Variants in PTK2 observed in about 807,000 individuals in gnomAD.
The protein encoded by PTK2 is protein tyrosine kinase 2.
A neutral mutation model predicts 150.1 loss-of-function variants in PTK2; 45 were observed. The ratio of observed to expected loss-of-function variants is 0.30; its 90% CI spans 0.24 to 0.38. The LOEUF is 0.38. PTK2 is among the 10% of genes least tolerant of loss of function. PTK2 has a pLI of 1.00. For missense variants in PTK2, 919 were observed against 1,307.3 expected (o/e 0.70, Z 4.58); for synonymous variants, 432 against 449.2 (o/e 0.96, Z 0.48).
chr8:140,817,255 G>T lies in PTK2; in HGVS notation c.867+1022C>A, dbSNP rs533179812. ...TACATGTTAAGTATGGGCAGGGGGT[G>T]GGGGGTTACAGAGAAGGCTGAAGAG... On this transcript the variant is annotated intron_variant, in intron 10 of 31. Coordinates refer to ENST00000522684, the Ensembl canonical transcript of PTK2. Among the ~76,000 whole-genome samples the T allele has an allele frequency of 1.1e-4, 17 of 152,242 alleles. No individual in the cohort carries two copies. In the South Asian group the frequency reaches 2.3e-3, roughly 20 times the overall value.
chr8:140,753,635 A>T (rs562514441), intron 16 of PTK2, among the ~76,000 whole-genome samples: 3 of 152,376 alleles, frequency 2.0e-5, no homozygotes, highest in African/African-American at 7.2e-5. Flanking sequence ...GAGACAAACC[A>T]AGAAAATGTG....
chr8:140,674,125 C>A (rs772648768), intron 29 of PTK2, 173 bp downstream of exon 32: 1 of 767,192 alleles, frequency 1.3e-6, no homozygotes, highest in East Asian at 2.5e-5. Context: ...TTCCCTGACT[C>A]TCAGAGGGGT....
chr8:140,876,225 A>C (rs977159331), intron 4 of PTK2, among the ~76,000 whole-genome samples: 1 of 152,024 alleles, frequency 6.6e-6, no homozygotes, highest in African/African-American at 2.4e-5. Flanking sequence ...CCTCCCCTTC[A>C]GAGATGATTT....
chr8:140,674,458 G>C, intron 28 of PTK2, 54 bp from the exon 32 acceptor site: 1 of 1,488,420 alleles, frequency 6.7e-7, no homozygotes, highest in South Asian at 1.2e-5. Flanking sequence ...AAGATTAAGA[G>C]GCTGGGGGCA....
chr8:140,769,579 C>T, intron 14 of PTK2: 1 of 1,360,578 alleles, frequency 7.3e-7, no homozygotes, highest in South Asian at 1.1e-5. Context: ...TATTACCGTC[C>T]CCACTAATTT....
chr8:140,793,771 G>A (rs980605559), intron 12 of PTK2, among the ~76,000 whole-genome samples: 2 of 152,170 alleles, frequency 1.3e-5, no homozygotes, highest in African/African-American at 4.8e-5. Context: ...AACCTGTGCA[G>A]GAAGCACAGA....
intron 2 of PTK2, chr8:140,921,160 C>G (rs1328713277): frequency 8.3e-7 from 1 of 1,210,144 alleles, no homozygotes; most frequent in African/African-American, 1.6e-5. Flanking sequence ...CTGGCTAGAT[C>G]AAGCTACTGA....
At chr8:140,848,991 A>AT (rs1199913825) in intron 5 of PTK2, among the ~76,000 whole-genome samples, 1 of 152,202 alleles carries the variant, frequency 6.6e-6, no homozygotes, top group Non-Finnish European at 1.5e-5. Context: ...ATCAAATGCT[A>AT]TATTTCATCA....
intron 14 of PTK2, among the ~76,000 whole-genome samples, chr8:140,788,691 A>C (rs555786178): frequency 6.6e-6 from 1 of 152,332 alleles, no homozygotes; most frequent in African/African-American, 2.4e-5. Context: ...CTCAAAAAAA[A>C]CTGATTCAAA....
intron 26 of PTK2, among the ~76,000 whole-genome samples, chr8:140,693,291 C>T (rs961953427): frequency 1.3e-5 from 2 of 152,102 alleles, no homozygotes; most frequent in Admixed American, 6.5e-5. Flanking sequence ...TGGTGACTCA[C>T]GCCTGTAATC....
At chr8:140,998,493 C>G (rs1261261799) in intron 1 of PTK2, among the ~76,000 whole-genome samples, 1 of 148,820 alleles carries the variant, frequency 6.7e-6, no homozygotes, top group East Asian at 2.0e-4. Flanking sequence ...AGGACCTAAT[C>G]TTTTTTTTTT....
intron 20 of PTK2, among the ~76,000 whole-genome samples, chr8:140,742,012 C>T (rs1034816991): frequency 2.0e-5 from 3 of 152,076 alleles, no homozygotes; most frequent in Non-Finnish European, 2.9e-5. Context: ...GGCGCACGCC[C>T]GTAGTACCAG....
chr8:140,697,327 A>C (rs1355544446), intron 26 of PTK2, among the ~76,000 whole-genome samples: 7 of 151,712 alleles, frequency 4.6e-5, no homozygotes, highest in African/African-American at 1.5e-4. Flanking sequence ...AAAAAAAAAA[A>C]CACCACATAG....
At chr8:140,935,702 C>CTTTTTT (rs34554819) in intron 1 of PTK2, among the ~76,000 whole-genome samples, 5 of 123,864 alleles carry the variant, frequency 4.0e-5, no homozygotes, top group African/African-American at 1.2e-4. Context: ...ATGTCCTCAT[C>CTTTTTT]TTTTTTTTTT....
chr8:140,869,850 TAAAG>T (rs1407011263), intron 4 of PTK2, among the ~76,000 whole-genome samples: 4 of 151,326 alleles, frequency 2.6e-5, no homozygotes, highest in Non-Finnish European at 4.4e-5. Context: ...CTTAAAATCA[TAAAG>T]AATCACAAGA....
chr8:140,951,186 C>T (rs1478257031), intron 1 of PTK2, among the ~76,000 whole-genome samples: 1 of 152,238 alleles, frequency 6.6e-6, no homozygotes, highest in South Asian at 2.1e-4. Context: ...AACTCAATTC[C>T]TCCCAAACTT....
chr8:140,812,224 G>A (rs571855850), intron 10 of PTK2, among the ~76,000 whole-genome samples: 1 of 152,312 alleles, frequency 6.6e-6, no homozygotes, highest in African/African-American at 2.4e-5. Context: ...AACTCTACAA[G>A]CCAAAAGAGA....
chr8:140,673,625 G>A (rs1429820376), intron 29 of PTK2, among the ~76,000 whole-genome samples: 7 of 152,138 alleles, frequency 4.6e-5, no homozygotes, highest in Non-Finnish European at 8.8e-5. Flanking sequence ...AGCCTCCTCC[G>A]TCAGATCTCT....
Position 140,686,624 on chromosome 8 carries a change from A to T in PTK2, c.2562+8T>A. On this transcript the variant is annotated splice_region_variant and intron_variant, in intron 27 of 31. Coordinates refer to ENST00000522684, the Ensembl canonical transcript of PTK2. ...GGAAATCAAATCCTGCTGAAAACTCAGGCTTACCGGACCCTGAAGACTTCC... is the reference window on the plus strand; with the variant it reads ...GGAAATCAAATCCTGCTGAAAACTCTGGCTTACCGGACCCTGAAGACTTCC... 6.2e-7 allele frequency: 1 copy of T among 1,610,940 alleles called. No individual in the cohort carries two copies. The highest frequency in any genetic ancestry group is 8.5e-7 in the Non-Finnish European group (1 of 1,177,138).
Sources: allele counts gnomAD v4.1 joint callset (sites outside exome capture counted in the v4.1 genomes callset), GRCh38; gene constraint gnomAD v4.1.1; transcripts MANE v1.5; gene names NCBI Gene and HGNC (gene_info 2026-07-23, HGNC 2026-07-21).